Variants in ANPEP observed in about 807,000 individuals in gnomAD.
ANPEP encodes the protein alanyl aminopeptidase, membrane.
ANPEP carries 70 observed loss-of-function variants against 114.6 expected under a neutral mutation model. That is an observed-to-expected ratio of 0.61 (90% CI 0.50 to 0.75). ANPEP has a LOEUF of 0.75. Among genes scored for constraint, ANPEP ranks in the 30% least tolerant of loss-of-function variants. ANPEP has a pLI of 0.00. For missense variants in ANPEP, 1,184 were observed against 1,259.5 expected (o/e 0.94, Z 0.91); for synonymous variants, 548 against 522.3 (o/e 1.05, Z -0.67).
intron 1 of ANPEP, among the ~76,000 whole-genome samples, chr15:89,812,774 A>T (rs1352870373): frequency 1.3e-5 from 2 of 152,156 alleles, no homozygotes; most frequent in Non-Finnish European, 2.9e-5. Flanking sequence ...GATTTGCCCA[A>T]GGCCACACAG....
chr15:89,793,570 G>A (rs1968673290), intron 15 of ANPEP, among the ~76,000 whole-genome samples: 1 of 151,996 alleles, frequency 6.6e-6, no homozygotes, highest in East Asian at 1.9e-4. Context: ...GAGTGTGGTG[G>A]TGCACACCTG....
intron 15 of ANPEP, among the ~76,000 whole-genome samples, chr15:89,796,083 G>A (rs1968721041): frequency 6.6e-6 from 1 of 152,222 alleles, no homozygotes. Flanking sequence ...GAGCATGGTG[G>A]TGCACATCTG....
chr15:89,794,101 C>A (rs1476675262), intron 15 of ANPEP, among the ~76,000 whole-genome samples: 1 of 152,196 alleles, frequency 6.6e-6, no homozygotes, highest in Non-Finnish European at 1.5e-5. Flanking sequence ...GGGAGATGTA[C>A]CAGGCTTGGC....
At chr15:89,788,045 A>G (rs1375747979) in intron 20 of ANPEP, among the ~76,000 whole-genome samples, 2 of 152,250 alleles carry the variant, frequency 1.3e-5, no homozygotes, top group Admixed American at 1.3e-4. Context: ...GGAATGGACA[A>G]TGGTACAGTT....
Position 89,792,307 on chromosome 15 carries a change from G to A in ANPEP, c.2381C>T (p.Ser794Phe). ...NNNPIHPNLR[S>F]TVYCNAIAQG... ...GGCGATAGCGTTGCAGTAGACGGTG[G>A]ACCGCAGGTTGGGGTGGATCCTGGT... Residue 794 changes from serine to phenylalanine, a missense_variant, in exon 18 of 21, where the codon TCC becomes TTC. Transcript: ENST00000300060. The A allele has an allele frequency of 1.2e-6, 2 of 1,614,238 alleles. No individual in the cohort carries two copies. Among genetic ancestry groups the A allele is most frequent in the Non-Finnish European group, 1.7e-6 (2 of 1,180,036 alleles).
In ANPEP at chr15:89,790,448, A is replaced by G; in HGVS notation, c.2751+12T>C. The G allele has an allele frequency of 1.2e-6, 2 of 1,611,694 alleles. No homozygotes were observed. The highest frequency in any genetic ancestry group is 1.1e-5 in the South Asian group (1 of 91,030). ...AGTAGGCAGAGCCCAGGTCTGGGGAATGACTTCTTACCTGCTGCAGCTCAT... is the reference window on the plus strand; with the variant it reads ...AGTAGGCAGAGCCCAGGTCTGGGGAGTGACTTCTTACCTGCTGCAGCTCAT... On this transcript the variant is annotated intron_variant, in intron 20 of 20. Transcript: ENST00000300060.
At chr15:89,808,137 C>A (rs927194568) in intron 1 of ANPEP, among the ~76,000 whole-genome samples, 2 of 152,224 alleles carry the variant, frequency 1.3e-5, no homozygotes, top group Non-Finnish European at 2.9e-5. Context: ...CTGCCCATTT[C>A]CTGGCCTCTT....
chr15:89,813,888 C>A (rs1367143165), intron 1 of ANPEP, among the ~76,000 whole-genome samples: 2 of 151,268 alleles, frequency 1.3e-5, no homozygotes, highest in Non-Finnish European at 2.9e-5. Context: ...CGAACACGGC[C>A]TGGTGGGTTG....
intron 20 of ANPEP, among the ~76,000 whole-genome samples, chr15:89,788,410 C>A (rs1968544724): frequency 6.6e-6 from 1 of 152,150 alleles, no homozygotes; most frequent in Admixed American, 6.5e-5. Flanking sequence ...ATGAAACATC[C>A]AGAATAGGTA....
In ANPEP at chr15:89,806,320, C is replaced by T. The variant is rs1446758556; in HGVS notation, c.264G>A (p.Thr88=). 3 of 1,614,004 alleles carry T rather than the reference C, an allele frequency of 1.9e-6. No homozygotes were observed. The highest frequency in any genetic ancestry group is 2.5e-6 in the Non-Finnish European group (3 of 1,180,036). The change falls in exon 2 of 21, where the codon ACG becomes ACA. Residue 88 remains threonine, a synonymous_variant. Coordinates refer to ENST00000300060, the MANE Select transcript of ANPEP (RefSeq NM_001150.3). The surrounding 1 kb of genome is among the most constrained non-coding windows in gnomAD (Gnocchi z 5.7). ...NTLKPDSYRV[T]LRPYLTPNDR... ...CATTGGGGGTGAGGTACGGTCTCAG[C>T]GTCACCCGGTAGGAATCGGGTTTCA...
In ANPEP at chr15:89,803,544, C is replaced by A; in HGVS notation, c.1438-37G>T. ...GTGAGGGGGCGCTCAGAAGGCTGTGCAGAGCCACCAGGACCCTGTGCCCCC... is the reference window on the plus strand; with the variant it reads ...GTGAGGGGGCGCTCAGAAGGCTGTGAAGAGCCACCAGGACCCTGTGCCCCC... On this transcript the variant is annotated intron_variant, in intron 8 of 20. Transcript: ENST00000300060. This position sits in a 1 kb window ranked among gnomAD's most constrained non-coding sequence, Gnocchi z 4.2. 6.2e-7 allele frequency: 1 copy of A among 1,604,504 alleles called. No individual in the cohort carries two copies. The highest frequency in any genetic ancestry group is 8.5e-7 in the Non-Finnish European group (1 of 1,178,012).
At position 89,801,201 on chromosome 15, in the gene ANPEP, T is replaced by A; in HGVS notation, c.1743-14A>T. ...ATCCACACGTAGCTGCAATTAAAGA[T>A]CCAGAGGTGGTGAGAGATGGCGGTG... On this transcript the variant is annotated splice_polypyrimidine_tract_variant and intron_variant, in intron 11 of 20. Transcript: ENST00000300060. 1 of 1,613,854 alleles carries A rather than the reference T, an allele frequency of 6.2e-7. No homozygotes were observed. The highest frequency in any genetic ancestry group is 8.5e-7 in the Non-Finnish European group (1 of 1,179,900).
At chr15:89,800,625 G>A (rs1369445202) in intron 12 of ANPEP, among the ~76,000 whole-genome samples, 7 of 147,600 alleles carry the variant, frequency 4.7e-5, no homozygotes, top group South Asian at 4.3e-4. Context: ...GCAATGGTGC[G>A]ATCTTGGCTC....
At chr15:89,797,440 T>C (rs1968750210) in intron 15 of ANPEP, 135 bp downstream of exon 15, 1 of 1,278,922 alleles carries the variant, frequency 7.8e-7, no homozygotes, top group Non-Finnish European at 1.1e-6. Context: ...TCTTTCTTTT[T>C]TTTTGGTTTT....
chr15:89,804,091 C>T lies in ANPEP; in HGVS notation c.1180-89G>A. 4 of 1,556,904 alleles carry T rather than the reference C, an allele frequency of 2.6e-6. No homozygotes were observed. The South Asian group carries it at 4.5e-5, about 18-fold the overall frequency. The stretch of plus-strand genomic sequence containing the variant: ...TACCCTCCCCAGGGCTGGCCATCTG[C>T]CAGGCACAGTGGGGATTTCAACACC... On this transcript the variant is annotated intron_variant, in intron 6 of 20. Coordinates refer to ENST00000300060, the MANE Select transcript of ANPEP (RefSeq NM_001150.3).
rs1338071788 is a variant in ANPEP, at chr15:89,801,442, C to G, written c.1735G>C (p.Glu579Gln). ...DPDSNVTRPS[E>Q]FNYVWIVPIT... The stretch of plus-strand genomic sequence containing the variant: ...GTGACCCCATCTGCTCACTTGAATT[C>G]TGAGGGGCGGGTAACATTGGAATCG... Residue 579 changes from glutamate (E) to glutamine (Q), a missense_variant, in exon 11 of 21, where the codon GAA becomes CAA. Physicochemically the swap from Glu to Gln is conservative, Grantham distance 29. Coordinates refer to ENST00000300060, the MANE Select transcript of ANPEP (RefSeq NM_001150.3). 6.2e-7 allele frequency: 1 copy of G among 1,613,958 alleles called. No homozygotes were observed. Among genetic ancestry groups the G allele is most frequent in the East Asian group, 2.2e-5 (1 of 44,894 alleles).
intron 15 of ANPEP, among the ~76,000 whole-genome samples, chr15:89,794,234 A>G (rs1224640316): frequency 6.6e-6 from 1 of 152,220 alleles, no homozygotes; most frequent in Non-Finnish European, 1.5e-5. Context: ...CTGTAATCCC[A>G]GCACTTTGGG....
Position 89,799,427 on chromosome 15 carries a change from G to A in ANPEP, c.1952C>T (p.Ser651Leu), listed in dbSNP as rs8179192. ...KIQTQLQRDHSAIPVINRAQI... is the reference protein window; with the variant it reads ...KIQTQLQRDHLAIPVINRAQI... The stretch of plus-strand genomic sequence containing the variant: ...GGGCGAGGGGTGGCAGACACTCACC[G>A]AGTGGTCTCTCTGCAGCTGAGTCTG... The change falls in exon 13 of 21, where the codon TCG becomes TTG. Residue 651 changes from serine to leucine, a missense_variant and splice_region_variant. Coordinates refer to ENST00000300060, the MANE Select transcript of ANPEP (RefSeq NM_001150.3). The surrounding 1 kb of genome is among the most constrained non-coding windows in gnomAD (Gnocchi z 4.2). 77 of 1,614,182 alleles carry A rather than the reference G, an allele frequency of 4.8e-5. No individual in the cohort carries two copies. Among genetic ancestry groups the A allele is most frequent in the East Asian group, 2.7e-4 (12 of 44,886 alleles).
At chr15:89,814,534 C>G (rs1437418275) in intron 1 of ANPEP, among the ~76,000 whole-genome samples, 1 of 152,190 alleles carries the variant, frequency 6.6e-6, no homozygotes, top group Non-Finnish European at 1.5e-5. Flanking sequence ...CCTCCGACCC[C>G]TGCGAGGCCC....
Sources: gnomAD v4.1 joint callset for allele counts (sites outside exome capture counted in the v4.1 genomes callset) on GRCh38, gnomAD v4.1.1 for gene constraint, Gnocchi (gnomAD v3.1) non-coding constraint, MANE v1.5 for transcripts, NCBI Gene and HGNC (gene_info 2026-07-23, HGNC 2026-07-21) for gene names.